The following REV3L variants were observed in gnomAD, a reference collection of about 807,000 sequenced individuals.
The protein encoded by REV3L is DNA polymerase zeta catalytic subunit.
Under a neutral mutation model 299.4 loss-of-function variants are expected in REV3L, and 69 were observed. The observed-to-expected ratio is 0.23, with a 90% CI of 0.19 to 0.28. The LOEUF is 0.28. Among genes scored for constraint, REV3L ranks in the 10% least tolerant of loss-of-function variants. The pLI is 1.00. For synonymous variants in REV3L, 1,238 were observed against 1,271.4 expected (o/e 0.97, Z 0.56); for missense variants, 3,128 against 3,693.8 (o/e 0.85, Z 3.97).
At chr6:111,319,475 A>G (rs1412094892) in intron 26 of REV3L, among the ~76,000 whole-genome samples, 1 of 152,168 alleles carries the variant, frequency 6.6e-6, no homozygotes, top group Non-Finnish European at 1.5e-5. Flanking sequence ...CAGGAAAAAA[A>G]AAAAAAAGTT....
At position 111,399,638 on chromosome 6, in the gene REV3L, A is replaced by G. The variant is rs117744109; in HGVS notation, c.565+5832T>C. On this transcript the variant is annotated intron_variant, in intron 4 of 31. Coordinates refer to ENST00000368802, the MANE Select transcript of REV3L (RefSeq NM_001372078.1). ...GAGATAACCTGTAGGACAACTCCCA[A>G]TTTGGGTTTGTCTGATGTTTTTCTC... 2.1e-4 allele frequency among the ~76,000 whole-genome samples: 32 copies of G among 152,146 alleles called. No individual in the cohort carries two copies. In the East Asian group the frequency reaches 6.0e-3, roughly 28 times the overall value.
chr6:111,335,631 T>C, intron 21 of REV3L, 21 bp from the exon 22 acceptor site: 3 of 1,591,246 alleles, frequency 1.9e-6, no homozygotes, highest in Non-Finnish European at 2.6e-6. Context: ...AGAATCCACA[T>C]TATGAACATC....
chr6:111,420,164 G>T (rs11153295), intron 1 of REV3L, among the ~76,000 whole-genome samples: 102,341 of 152,014 alleles, frequency 0.67, 36,619 homozygotes, highest in Non-Finnish European at 0.81. Context: ...TCTTAAAGGA[G>T]TCAGGGTATT....
chr6:111,404,511 G>C (rs1434216451), intron 4 of REV3L, among the ~76,000 whole-genome samples: 1 of 152,142 alleles, frequency 6.6e-6, no homozygotes, highest in Non-Finnish European at 1.5e-5. Context: ...ATTTCATAAG[G>C]CTATAGCTGT....
Position 111,331,922 on chromosome 6 carries a change from T to C in REV3L, c.7926-138A>G, listed in dbSNP as rs1775424463. 8.3e-6 allele frequency: 5 copies of C among 605,846 alleles called. No homozygotes were observed. The South Asian group carries it at 1.0e-4, about 12-fold the overall frequency. 37.5% of individuals were successfully genotyped at this position (605,846 alleles called of 1,614,324 possible). On this transcript the variant is annotated intron_variant, in intron 23 of 31. Transcript: ENST00000368802. ...ACAAGAATTCATGTACTTAGTAATA[T>C]GTTTATTTGCCTCATTACCAAAATA...
At position 111,367,378 on chromosome 6, in the gene REV3L, T is replaced by C. The variant is rs1431246604; in HGVS notation, c.6410A>G (p.Lys2137Arg). The C allele has an allele frequency of 1.9e-6, 3 of 1,609,156 alleles. No individual in the cohort carries two copies. The East Asian group carries it at 6.7e-5, about 36-fold the overall frequency. The part of the protein sequence containing the change: ...PWQQPISPDS[K>R]ALNGDDRPSS... Reference sequence around the variant, plus strand: ...GGGTCTATCATCTCCATTTAATGCTTTGGAATCTGGGGATATTGGTTGTTG... The same window carrying C: ...GGGTCTATCATCTCCATTTAATGCTCTGGAATCTGGGGATATTGGTTGTTG... The change falls in exon 14 of 32, where the codon AAA becomes AGA. Residue 2137 changes from lysine to arginine, a missense_variant. Lys to Arg is a conservative substitution (Grantham distance 26, BLOSUM62 2). Transcript: ENST00000368802.
At position 111,331,722 on chromosome 6, in the gene REV3L, A is replaced by G; in HGVS notation, c.7988T>C (p.Val2663Ala). ...GGGGGACACTGTGATATCATGCCTA[A>G]CTTGGTAAAGTAAATCTGGAGGTAC... Reference protein sequence around the residue: ...LRVPPDLLYQVRHDITVSPNG... With the variant: ...LRVPPDLLYQARHDITVSPNG... The change falls in exon 24 of 32, where the codon GTT becomes GCT. Residue 2663 changes from valine to alanine, a missense_variant. Around this residue, in one of 9 missense-constraint regions of REV3L, gnomAD observed 149 missense variants for 286.4 expected, o/e 0.52. Transcript: ENST00000368802. 1 of 1,613,442 alleles carries G rather than the reference A, an allele frequency of 6.2e-7. No individual in the cohort carries two copies. The highest frequency in any genetic ancestry group is 8.5e-7 in the Non-Finnish European group (1 of 1,179,618).
intron 1 of REV3L, among the ~76,000 whole-genome samples, chr6:111,470,698 G>A (rs1457611805): frequency 6.6e-6 from 1 of 152,190 alleles, no homozygotes; most frequent in Non-Finnish European, 1.5e-5. Flanking sequence ...AAGACATGCC[G>A]GGGTGTGGTG....
chr6:111,482,621 G>A (rs1022556496), intron 1 of REV3L, 129 bp downstream of exon 1: 2 of 418,438 alleles, frequency 4.8e-6, no homozygotes, highest in African/African-American at 4.3e-5. Flanking sequence ...GGGCGGAGGG[G>A]AGGGAAGACG....
intron 1 of REV3L, among the ~76,000 whole-genome samples, chr6:111,460,878 T>C (rs1790686853): frequency 6.6e-6 from 1 of 152,216 alleles, no homozygotes; most frequent in South Asian, 2.1e-4. Flanking sequence ...AAAATTCCTA[T>C]CGCCTAGGGA....
At chr6:111,308,048 T>C (rs1021483911) in intron 30 of REV3L, 6 of 312,424 alleles carry the variant, frequency 1.9e-5, no homozygotes, top group African/African-American at 1.4e-4. Flanking sequence ...TGGTTTTCTG[T>C]CCTTGTGATA....
At chr6:111,414,738 C>T (rs1784580679) in intron 2 of REV3L, among the ~76,000 whole-genome samples, 1 of 152,092 alleles carries the variant, frequency 6.6e-6, no homozygotes, top group South Asian at 2.1e-4. Flanking sequence ...GTCTTCCTAG[C>T]AGAACACCCT....
chr6:111,421,613 G>T (rs529448943), intron 1 of REV3L, among the ~76,000 whole-genome samples: 1 of 145,288 alleles, frequency 6.9e-6, no homozygotes, highest in South Asian at 2.2e-4. Flanking sequence ...GAATAGAAAA[G>T]TTTTTTTTTT....
rs148085635 is a variant in REV3L at position 111,313,708 on chromosome 6, TTTG to T, written c.8467-222_8467-220del. ...TCACTCCTTTTCTTGCGCTACCAGT[TTTG>T]TTTATTTACTGAATAAAGTATAAAC... On this transcript the variant is annotated intron_variant, in intron 27 of 31. Coordinates refer to ENST00000368802, the MANE Select transcript of REV3L (RefSeq NM_001372078.1). 1.7e-3 allele frequency among the ~76,000 whole-genome samples: 261 copies of T among 152,332 alleles called. 2 individuals are homozygous for T. The highest frequency in any genetic ancestry group is 6.0e-3 in the African/African-American group (248 of 41,584).
intron 31 of REV3L, 103 bp from the exon 32 acceptor site, chr6:111,300,259 C>T (rs918320456): frequency 1.3e-4 from 112 of 848,350 alleles, no homozygotes; most frequent in Admixed American, 1.9e-4. Context: ...CCACAGATTA[C>T]TGGCAGACAT....
chr6:111,445,235 A>G (rs1169610042), intron 1 of REV3L, among the ~76,000 whole-genome samples: 1 of 152,188 alleles, frequency 6.6e-6, no homozygotes, highest in African/African-American at 2.4e-5. Flanking sequence ...ACTAGAAAGG[A>G]AAGGTAGGGA....
At chr6:111,366,564 G>A (rs1465282601) in intron 14 of REV3L, among the ~76,000 whole-genome samples, 5 of 152,116 alleles carry the variant, frequency 3.3e-5, no homozygotes, top group South Asian at 4.1e-4. Context: ...GAAAATGGCT[G>A]CTTAGAGGAC....
In REV3L at chr6:111,398,593, T is replaced by C. The variant is rs374620617; in HGVS notation, c.566-5621A>G. Among the ~76,000 whole-genome samples, 4 of 147,620 alleles carry C rather than the reference T, an allele frequency of 2.7e-5. No homozygotes were observed. The East Asian group carries it at 7.8e-4, about 29-fold the overall frequency. ...TATTCAAATTTCTAAATCATTTTCA[T>C]TTTTGAATGTATTTTACTTTCAAAA... On this transcript the variant is annotated intron_variant, in intron 4 of 31. Transcript: ENST00000368802.
intron 4 of REV3L, among the ~76,000 whole-genome samples, chr6:111,403,499 T>TC (rs1562259642): frequency 1.3e-5 from 2 of 152,204 alleles, no homozygotes; most frequent in African/African-American, 4.8e-5. Flanking sequence ...TTGGTTCCTC[T>TC]TGCAATATTT....
Sources: gnomAD v4.1 joint callset for allele counts (sites outside exome capture counted in the v4.1 genomes callset) on GRCh38, gnomAD v4.1.1 for gene constraint, gnomAD v4.1.1 regional missense constraint, MANE v1.5 for transcripts, NCBI Gene and HGNC (gene_info 2026-07-23, HGNC 2026-07-21) for gene names.